Variants in AKR1D1 observed in about 807,000 individuals in gnomAD.
The protein encoded by AKR1D1 is aldo-keto reductase family 1 member D1.
AKR1D1 carries 32 observed loss-of-function variants against 42.6 expected under a neutral mutation model. That is an observed-to-expected ratio of 0.75 (90% CI 0.57 to 1.01). AKR1D1 has a LOEUF of 1.01. Ranked by LOEUF, AKR1D1 falls within the 50% of genes least tolerant of loss-of-function variation. The pLI is 0.00. For missense variants in AKR1D1, 364 were observed against 402.2 expected (o/e 0.91, Z 0.81); for synonymous variants, 123 against 135.5 (o/e 0.91, Z 0.64).
chr7:138,088,860 T>TGTGTG, intron 2 of AKR1D1, 92 bp downstream of exon 2: 2 of 782,984 alleles, frequency 2.6e-6, no homozygotes, highest in African/African-American at 1.9e-5. Context: ...GTGTGTGTAA[T>TGTGTG]TGCACTCATG....
chr7:138,099,888 GA>G (rs1794256420), intron 4 of AKR1D1, among the ~76,000 whole-genome samples: 1 of 146,980 alleles, frequency 6.8e-6, no homozygotes, highest in African/African-American at 2.5e-5. Flanking sequence ...AAAAAAACAC[GA>G]AGATCTTAAA....
chr7:138,101,671 GA>G (rs1794321716), intron 4 of AKR1D1, among the ~76,000 whole-genome samples: 1 of 151,990 alleles, frequency 6.6e-6, no homozygotes, highest in Non-Finnish European at 1.5e-5. Flanking sequence ...CACACAATTG[GA>G]AATTATTTTT....
At chr7:138,113,815 G>C (rs775495443) in intron 8 of AKR1D1, 43 bp downstream of exon 8, 70 of 1,540,130 alleles carry the variant, frequency 4.5e-5, no homozygotes. Context: ...CAGTGGTATT[G>C]AATGGTCATG....
intron 5 of AKR1D1, among the ~76,000 whole-genome samples, chr7:138,106,356 T>C (rs1794432585): frequency 6.6e-6 from 1 of 152,078 alleles, no homozygotes; most frequent in Admixed American, 6.5e-5. Context: ...ATACAAAAAA[T>C]TAAGGGGATG....
chr7:138,087,684 TC>T (rs1342234543), intron 1 of AKR1D1, among the ~76,000 whole-genome samples: 1 of 152,088 alleles, frequency 6.6e-6, no homozygotes, highest in African/African-American at 2.4e-5. Flanking sequence ...CACTTTGTAA[TC>T]CCTCCTTCCA....
chr7:138,094,673 A>C (rs1283057833), intron 3 of AKR1D1, among the ~76,000 whole-genome samples: 1 of 152,006 alleles, frequency 6.6e-6, no homozygotes, highest in Non-Finnish European at 1.5e-5. Context: ...GTGCCACCAC[A>C]CTCACCTAAT....
intron 3 of AKR1D1, among the ~76,000 whole-genome samples, chr7:138,092,250 T>C (rs937717508): frequency 2.0e-5 from 3 of 152,238 alleles, no homozygotes; most frequent in African/African-American, 7.2e-5. Flanking sequence ...GTTTAAGCTC[T>C]CTGCATCAAA....
At chr7:138,088,253 C>T (rs1431890335) in intron 1 of AKR1D1, among the ~76,000 whole-genome samples, 1 of 152,134 alleles carries the variant, frequency 6.6e-6, no homozygotes, top group Non-Finnish European at 1.5e-5. Context: ...AATTTGTTTA[C>T]CCAACCTTTT....
chr7:138,114,502 A>G (rs942161425), intron 8 of AKR1D1, among the ~76,000 whole-genome samples: 1 of 152,064 alleles, frequency 6.6e-6, no homozygotes, highest in Non-Finnish European at 1.5e-5. Context: ...TCTACTAAAA[A>G]TACAAAAATT....
At chr7:138,102,446 TGTGGTCC>T (rs1794337332) in intron 4 of AKR1D1, among the ~76,000 whole-genome samples, 1 of 152,118 alleles carries the variant, frequency 6.6e-6, no homozygotes, top group Non-Finnish European at 1.5e-5. Flanking sequence ...TGCATGTGCC[TGTGGTCC>T]CAGCTACTCA....
rs1261468821 is a variant in AKR1D1, at chr7:138,117,746, G to A, written c.*1084G>A. The A allele has an allele frequency of 2.6e-5, 4 of 152,222 alleles. No individual in the cohort carries two copies. Among genetic ancestry groups the A allele is most frequent in the South Asian group, 2.1e-4 (1 of 4,830 alleles). The allele number at this position is 152,222 out of a possible 1,614,324, so 9.4% of individuals were successfully genotyped here. A position where few individuals can be genotyped will look rare whatever the true frequency, so the allele number is the denominator to read the frequency against. ...CAGAAATATATTTTATTGGCCGGGT[G>A]CGGTGGCTCATGCCTATAATCCCAG... On this transcript the variant is annotated 3_prime_UTR_variant, in exon 9 of 9. Transcript: ENST00000242375.
chr7:138,100,044 C>T (rs13243992), intron 4 of AKR1D1, among the ~76,000 whole-genome samples: 106,864 of 135,492 alleles, frequency 0.79, 42,168 homozygotes, highest in African/African-American at 0.9. Context: ...TGCCTTTGAA[C>T]AGCCACTGAA....
At chr7:138,099,551 T>C (rs1355451344) in intron 4 of AKR1D1, among the ~76,000 whole-genome samples, 2 of 152,096 alleles carry the variant, frequency 1.3e-5, no homozygotes, top group South Asian at 4.2e-4. Flanking sequence ...AATGGTCAAA[T>C]TGAGATATCA....
At chr7:138,094,082 A>T (rs1384143644) in intron 3 of AKR1D1, among the ~76,000 whole-genome samples, 1 of 152,240 alleles carries the variant, frequency 6.6e-6, no homozygotes, top group Non-Finnish European at 1.5e-5. Flanking sequence ...GATGGGTTCA[A>T]AGGCACAAAA....
chr7:138,098,871 C>T (rs1379261786), intron 4 of AKR1D1, among the ~76,000 whole-genome samples: 1 of 152,026 alleles, frequency 6.6e-6, no homozygotes, highest in Non-Finnish European at 1.5e-5. Flanking sequence ...TTTGCACTTC[C>T]TTCACCCCTG....
intron 1 of AKR1D1, 135 bp downstream of exon 1, chr7:138,076,746 T>C (rs1165671906): frequency 8.1e-6 from 6 of 741,698 alleles, no homozygotes; most frequent in Non-Finnish European, 1.2e-5. Context: ...CAATTTGTAA[T>C]AATGAAAGGA....
intron 3 of AKR1D1, among the ~76,000 whole-genome samples, chr7:138,092,182 A>G (rs1794097533): frequency 6.6e-6 from 1 of 152,136 alleles, no homozygotes; most frequent in African/African-American, 2.4e-5. Flanking sequence ...TTGGTTTCCA[A>G]GTTTCTTGAT....
At chr7:138,111,345 A>T (rs1391700714) in intron 7 of AKR1D1, among the ~76,000 whole-genome samples, 2 of 152,114 alleles carry the variant, frequency 1.3e-5, no homozygotes, top group African/African-American at 4.8e-5. Flanking sequence ...GCTGCTTCCC[A>T]TTCCCTTCCC....
intron 1 of AKR1D1, among the ~76,000 whole-genome samples, chr7:138,082,939 C>T (rs1409386905): frequency 6.6e-6 from 1 of 152,110 alleles, no homozygotes; most frequent in Non-Finnish European, 1.5e-5. Flanking sequence ...CATATCTTAG[C>T]TATTGTGAAT....
Sources: gnomAD v4.1 joint callset for allele counts (sites outside exome capture counted in the v4.1 genomes callset) on GRCh38, gnomAD v4.1.1 for gene constraint, MANE v1.5 for transcripts, NCBI Gene and HGNC (gene_info 2026-07-23, HGNC 2026-07-21) for gene names.